The following MYO7B variants were observed in gnomAD, a reference collection of about 807,000 sequenced individuals.
MYO7B encodes the protein myosin VIIB.
In MYO7B, 212 loss-of-function variants were observed where a neutral mutation model predicts 259.7. That is an observed-to-expected ratio of 0.82 (90% CI 0.73 to 0.91). The LOEUF (loss-of-function observed/expected upper bound fraction) is 0.91. MYO7B is among the 40% of genes least tolerant of loss of function. The pLI, the probability that MYO7B is intolerant of heterozygous loss-of-function variation, is 0.00. For synonymous variants in MYO7B, 1,197 were observed against 1,166.4 expected (o/e 1.03, Z -0.54); for missense variants, 2,732 against 2,813.5 (o/e 0.97, Z 0.66).
At position 127,622,083 on chromosome 2, in the gene MYO7B, C is replaced by T; in HGVS notation, c.3627C>T (p.Pro1209=). 5 of 1,549,898 alleles carry T rather than the reference C, an allele frequency of 3.2e-6. No individual in the cohort carries two copies. The highest frequency in any genetic ancestry group is 1.4e-5 in the African/African-American group (1 of 73,150). Reference sequence around the variant, plus strand: ...CCAATGGGGTGCGTGCGGAGCCCCCCACCTGGCTGGAGCTGCAGGTAGGGG... The same window carrying T: ...CCAATGGGGTGCGTGCGGAGCCCCCTACCTGGCTGGAGCTGCAGGTAGGGG... The part of the protein sequence containing the change: ...TYANGVRAEP[P]TWLELQAVKS... The change falls in exon 28 of 48, where the codon CCC becomes CCT. Residue 1209 remains proline, a synonymous_variant. Coordinates refer to ENST00000409816, the MANE Select transcript of MYO7B (RefSeq NM_001393586.1).
In MYO7B at chr2:127,636,340, C is replaced by T. The variant is rs201981414; in HGVS notation, c.6123+16C>T. 1.4e-5 allele frequency: 22 copies of T among 1,602,876 alleles called. No individual in the cohort carries two copies. Among genetic ancestry groups the T allele is most frequent in the South Asian group, 2.2e-5 (2 of 90,732 alleles). On this transcript the variant is annotated intron_variant, in intron 45 of 47. Transcript: ENST00000409816. This position sits in a 1 kb window ranked among gnomAD's most constrained non-coding sequence, Gnocchi z 4.5. ...CGAGGTGAAGGTAAACCTTGCCCCA[C>T]GCCAGGGCCTCCTACCCAAGCAGGC...
rs1165020097 is a variant in MYO7B, at chr2:127,597,771, A to G, written c.2339+1215A>G. On this transcript the variant is annotated intron_variant, in intron 19 of 47. Transcript: ENST00000409816. The surrounding 1 kb of genome is among the most constrained non-coding windows in gnomAD (Gnocchi z 4.8). ...CACCTCAGCCTCCAAAGTAGCTGGT[A>G]CTACTACAGGCGCCCGCCACCATGC... is the stretch of plus-strand genomic sequence containing the variant. Among the ~76,000 whole-genome samples the G allele has an allele frequency of 6.6e-6, 1 of 151,976 alleles. No homozygotes were observed. Among genetic ancestry groups the G allele is most frequent in the African/African-American group, 2.4e-5 (1 of 41,366 alleles).
rs1249476292 is a variant in MYO7B at position 127,620,377 on chromosome 2, G to A, written c.3436G>A (p.Glu1146Lys). Residue 1146 changes from glutamate to lysine, a missense_variant, in exon 27 of 48, where the codon GAG becomes AAG. Physicochemically the swap from Glu to Lys is moderately conservative, Grantham distance 56. Coordinates refer to ENST00000409816, the MANE Select transcript of MYO7B (RefSeq NM_001393586.1). ...IYCQICKQLS[E>K]NFKTSSLARG... Reference sequence around the variant, plus strand: ...CTGCCAGATCTGCAAGCAGCTCTCGGAGAACTTCAAAACAAGCAGCCTGGC... The same window carrying A: ...CTGCCAGATCTGCAAGCAGCTCTCGAAGAACTTCAAAACAAGCAGCCTGGC... 1 of 1,612,524 alleles carries A rather than the reference G, an allele frequency of 6.2e-7. No individual in the cohort carries two copies. The highest frequency in any genetic ancestry group is 2.2e-5 in the East Asian group (1 of 44,856).
chr2:127,607,434 C>A lies in MYO7B; in HGVS notation c.2643+10C>A. 6.5e-7 allele frequency: 1 copy of A among 1,550,014 alleles called. No homozygotes were observed. Among genetic ancestry groups the A allele is most frequent in the South Asian group, 1.2e-5 (1 of 83,914 alleles). ...GCAAAGGAAGGCCAATGTAGGTGGT[C>A]ACCTGGCCTCTTGGGCAGGTGGGGC... On this transcript the variant is annotated intron_variant, in intron 21 of 47. Coordinates refer to ENST00000409816, the MANE Select transcript of MYO7B (RefSeq NM_001393586.1). The surrounding 1 kb of genome is among the most constrained non-coding windows in gnomAD (Gnocchi z 4.4).
chr2:127,600,094 T>C (rs1009619795), intron 19 of MYO7B, among the ~76,000 whole-genome samples: 4 of 152,224 alleles, frequency 2.6e-5, no homozygotes, highest in Non-Finnish European at 4.4e-5. Context: ...TTTAAATGTT[T>C]GGCAAAAGTC....
chr2:127,584,139 T>G lies in MYO7B; in HGVS notation c.1361T>G (p.Ile454Ser). 6.2e-7 allele frequency: 1 copy of G among 1,613,432 alleles called. No homozygotes were observed. The highest frequency in any genetic ancestry group is 8.5e-7 in the Non-Finnish European group (1 of 1,179,662). ...FENNSFEQLC[I>S]NFANEHLQQF... is the part of the protein sequence containing the mutation. Reference sequence around the variant, plus strand: ...CTCCACAGCTTCGAGCAGCTCTGCATCAACTTCGCCAACGAGCACCTGCAG... The same window carrying G: ...CTCCACAGCTTCGAGCAGCTCTGCAGCAACTTCGCCAACGAGCACCTGCAG... Residue 454 changes from isoleucine (I) to serine (S), a missense_variant, in exon 13 of 48, where the codon ATC (isoleucine) becomes AGC (serine). Physicochemically the swap from Ile to Ser is moderately radical, Grantham distance 142. Coordinates refer to ENST00000409816, the MANE Select transcript of MYO7B (RefSeq NM_001393586.1). The surrounding 1 kb of genome is among the most constrained non-coding windows in gnomAD (Gnocchi z 5.8).
chr2:127,570,752 C>T (rs1273581715), intron 6 of MYO7B, among the ~76,000 whole-genome samples: 1 of 151,998 alleles, frequency 6.6e-6, no homozygotes, highest in African/African-American at 2.4e-5. Flanking sequence ...TCGTAGTCAC[C>T]CTGTCTTCCC....
intron 12 of MYO7B, among the ~76,000 whole-genome samples, chr2:127,583,013 C>T (rs773319973): frequency 8.5e-5 from 13 of 152,198 alleles, no homozygotes; most frequent in African/African-American, 9.7e-5. Flanking sequence ...GACCAGGCAA[C>T]GGAGCCAGGC....
At chr2:127,540,479 A>G (rs891647228) in intron 1 of MYO7B, among the ~76,000 whole-genome samples, 1 of 152,218 alleles carries the variant, frequency 6.6e-6, no homozygotes, top group Non-Finnish European at 1.5e-5. Flanking sequence ...TGTCTTTTTC[A>G]TATAATGACT....
intron 42 of MYO7B, 115 bp downstream of exon 42, chr2:127,634,798 T>C: frequency 9.5e-7 from 1 of 1,052,404 alleles, no homozygotes; most frequent in Non-Finnish European, 1.4e-6. Context: ...CGTGTGTCCC[T>C]GGGTTGTGGG....
chr2:127,610,065 C>A, intron 24 of MYO7B, 49 bp downstream of exon 24: 2 of 1,586,560 alleles, frequency 1.3e-6, no homozygotes, highest in Non-Finnish European at 8.6e-7. Flanking sequence ...CTACCAGGTG[C>A]CTACCAGGGC....
chr2:127,604,112 G>A (rs752687609), intron 19 of MYO7B, among the ~76,000 whole-genome samples: 44 of 152,178 alleles, frequency 2.9e-4, no homozygotes, highest in Non-Finnish European at 5.1e-4. Flanking sequence ...CAGCCTGGGC[G>A]ACAGAGGGAG....
chr2:127,568,740 T>C (rs1046417949), intron 5 of MYO7B, among the ~76,000 whole-genome samples: 2 of 151,150 alleles, frequency 1.3e-5, no homozygotes, highest in Admixed American at 1.3e-4. Context: ...CTACTAAAAA[T>C]ATAAAAATTA....
At chr2:127,550,695 G>T (rs1693413503) in intron 1 of MYO7B, among the ~76,000 whole-genome samples, 1 of 151,988 alleles carries the variant, frequency 6.6e-6, no homozygotes, top group South Asian at 2.1e-4. Context: ...GCAGTGTTAT[G>T]GGGTGGCTGT....
At position 127,539,718 on chromosome 2, in the gene MYO7B, G is replaced by A. The variant is rs1692928817; in HGVS notation, c.-24+3887G>A. The stretch of plus-strand genomic sequence containing the variant: ...ACTCCATAGTTTTTAAGGTACAGGT[G>A]TTTTTTGGTTACATGGATAAGTTCT... On this transcript the variant is annotated intron_variant, in intron 1 of 47. Coordinates refer to ENST00000409816, the MANE Select transcript of MYO7B (RefSeq NM_001393586.1). The surrounding 1 kb of genome is among the most constrained non-coding windows in gnomAD (Gnocchi z 4.0). Among the ~76,000 whole-genome samples, 2 of 152,044 alleles carry A rather than the reference G, an allele frequency of 1.3e-5. No individual in the cohort carries two copies. Among genetic ancestry groups the A allele is most frequent in the East Asian group, 1.9e-4 (1 of 5,188 alleles).
chr2:127,584,177 C>T lies in MYO7B; in HGVS notation c.1399C>T (p.Gln467Ter), dbSNP rs1679213658. 1.2e-6 allele frequency: 2 copies of T among 1,613,864 alleles called. No homozygotes were observed. The highest frequency in any genetic ancestry group is 1.3e-5 in the African/African-American group (1 of 74,912). ...CGAGCACCTGCAGCAGTTCTTTGTG[C>T]AGCACGTGTTCACCATGGAGCAAGA... is the stretch of plus-strand genomic sequence containing the variant. ...ANEHLQQFFV[Q>*]HVFTMEQEEY... The change falls in exon 13 of 48, where the codon CAG (glutamine) becomes TAG (stop). Residue 467 changes from glutamine to a stop codon, truncating the protein, a stop_gained. Transcript: ENST00000409816. LOFTEE classifies it high-confidence loss of function. The surrounding 1 kb of genome is among the most constrained non-coding windows in gnomAD (Gnocchi z 5.8).
chr2:127,576,803 A>T lies in MYO7B; in HGVS notation c.849+95A>T, dbSNP rs189660165. 1.1e-6 allele frequency: 1 copy of T among 874,214 alleles called. No homozygotes were observed. The highest frequency in any genetic ancestry group is 1.7e-5 in the African/African-American group (1 of 58,884). 54.2% of individuals were successfully genotyped at this position (874,214 alleles called of 1,614,324 possible). On this transcript the variant is annotated intron_variant, in intron 8 of 47. Transcript: ENST00000409816. This position sits in a 1 kb window ranked among gnomAD's most constrained non-coding sequence, Gnocchi z 4.9. ...CTCCGCGACAGCTGCAGAGAAGCCC[A>T]ACGCTGGCCGGGCCCCTGAGGCGGG...
intron 19 of MYO7B, among the ~76,000 whole-genome samples, chr2:127,600,364 A>G (rs550857254): frequency 1.8e-4 from 28 of 152,124 alleles, no homozygotes; most frequent in Non-Finnish European, 3.4e-4. Flanking sequence ...CTGATATTGG[A>G]AATTTATGTC....
rs1393401259 is a variant in MYO7B at position 127,581,970 on chromosome 2, A to T, written c.1160A>T (p.Asn387Ile). 1.2e-6 allele frequency: 2 copies of T among 1,613,944 alleles called. No individual in the cohort carries two copies. Among genetic ancestry groups the T allele is most frequent in the South Asian group, 1.1e-5 (1 of 91,086 alleles). The change falls in exon 11 of 48, where the codon AAC (asparagine) becomes ATC (isoleucine). Residue 387 changes from asparagine to isoleucine, a missense_variant. Around this residue, in one of 3 missense-constraint regions of MYO7B, gnomAD observed 1,906 missense variants for 2,026.4 expected, o/e 0.94. Coordinates refer to ENST00000409816, the MANE Select transcript of MYO7B (RefSeq NM_001393586.1). The stretch of plus-strand genomic sequence containing the variant: ...GGGGAATTTGTCACCAGGTCCCTGA[A>T]CATTGCCCAGGCTGCTGACCGGAGG... ...IRGEFVTRSLNIAQAADRRDA... is the reference protein window; with the variant it reads ...IRGEFVTRSLIIAQAADRRDA...
Sources: gnomAD v4.1 joint callset for allele counts (sites outside exome capture counted in the v4.1 genomes callset) on GRCh38, gnomAD v4.1.1 for gene constraint, gnomAD v4.1.1 regional missense constraint, Gnocchi (gnomAD v3.1) non-coding constraint, MANE v1.5 for transcripts, NCBI Gene and HGNC (gene_info 2026-07-23, HGNC 2026-07-21) for gene names.